CFAP251: variants seen among roughly 807,000 people sequenced by gnomAD.
CFAP251 encodes cilia- and flagella-associated protein 251.
CFAP251 carries 93 observed loss-of-function variants against 126.7 expected under a neutral mutation model. The observed-to-expected ratio is 0.73, with a 90% confidence interval of 0.62 to 0.87. The LOEUF is 0.87. Among genes scored for constraint, CFAP251 ranks in the 40% least tolerant of loss-of-function variants. The pLI, the probability that CFAP251 is intolerant of heterozygous loss-of-function variation, is 0.00. For synonymous variants in CFAP251, 503 were observed against 506.9 expected (o/e 0.99, Z 0.10); for missense variants, 1,287 against 1,389.2 (o/e 0.93, Z 1.17).
At chr12:122,001,181 C>G (rs1353941896) in intron 20 of CFAP251, among the ~76,000 whole-genome samples, 1 of 151,448 alleles carries the variant, frequency 6.6e-6, no homozygotes, top group Admixed American at 6.6e-5. Flanking sequence ...CTCAGCCTCC[C>G]GAGTAGCTGG....
chr12:121,977,756 C>T (rs1176493375), intron 19 of CFAP251, among the ~76,000 whole-genome samples: 1 of 150,974 alleles, frequency 6.6e-6, no homozygotes, highest in Non-Finnish European at 1.5e-5. Flanking sequence ...AAGATCGAGA[C>T]CATCCTGGCT....
At chr12:121,981,287 T>C (rs1428107829) in intron 19 of CFAP251, among the ~76,000 whole-genome samples, 2 of 148,470 alleles carry the variant, frequency 1.3e-5, no homozygotes, top group African/African-American at 4.9e-5. Flanking sequence ...ACCTAGGCAA[T>C]ATAGGGAGAC....
intron 5 of CFAP251, among the ~76,000 whole-genome samples, chr12:121,938,740 T>C (rs1344122573): frequency 1.3e-5 from 2 of 149,474 alleles, no homozygotes; most frequent in Non-Finnish European, 3.0e-5. Context: ...CCCAGCACTT[T>C]GGGAGGCCGA....
chr12:121,944,409 T>C (rs1457995444), intron 7 of CFAP251, among the ~76,000 whole-genome samples: 1 of 152,192 alleles, frequency 6.6e-6, no homozygotes, highest in Non-Finnish European at 1.5e-5. Context: ...GATTTTTCTA[T>C]TGCTGCAAAA....
At chr12:121,942,669 C>A in intron 6 of CFAP251, 24 bp downstream of exon 6, 1 of 1,590,778 alleles carries the variant, frequency 6.3e-7, no homozygotes, top group South Asian at 1.1e-5. Context: ...CCCTTTGGGT[C>A]AGCATCAGCG....
chr12:121,967,444 T>C (rs981554897), intron 16 of CFAP251, among the ~76,000 whole-genome samples: 1 of 152,252 alleles, frequency 6.6e-6, no homozygotes, highest in Non-Finnish European at 1.5e-5. Flanking sequence ...GGCTCACGCC[T>C]GTAATCCCAG....
chr12:121,969,944 A>G, intron 17 of CFAP251: 1 of 985,484 alleles, frequency 1.0e-6, no homozygotes, highest in Non-Finnish European at 1.2e-6. Flanking sequence ...ACAAAGGATC[A>G]TTATAAACTA....
chr12:121,922,514 C>T (rs1880227840), intron 2 of CFAP251, among the ~76,000 whole-genome samples: 1 of 152,090 alleles, frequency 6.6e-6, no homozygotes. Flanking sequence ...GGAGGATGGC[C>T]AGGGAAAGCT....
chr12:121,948,968 A>C lies in CFAP251; in HGVS notation c.1192-16A>C. The C allele has an allele frequency of 6.9e-7, 1 of 1,452,616 alleles. No individual in the cohort carries two copies. The highest frequency in any genetic ancestry group is 9.4e-7 in the Non-Finnish European group (1 of 1,060,788). The allele number at this position is 1,452,616 out of a possible 1,614,324, so 90.0% of individuals were successfully genotyped here. ...GAAAATTTATCATTAATGTATTTTC[A>C]TACTTTATATTTCAGAACTACGTTA... On this transcript the variant is annotated splice_polypyrimidine_tract_variant and intron_variant, in intron 7 of 21. Transcript: ENST00000288912.
intron 15 of CFAP251, among the ~76,000 whole-genome samples, chr12:121,965,621 A>C (rs562965970): frequency 6.6e-6 from 1 of 152,204 alleles, no homozygotes; most frequent in Non-Finnish European, 1.5e-5. Context: ...CTCTCTGTGT[A>C]ATGACGTGGA....
At chr12:121,922,412 T>C (rs896680792) in intron 2 of CFAP251, among the ~76,000 whole-genome samples, 2 of 152,216 alleles carry the variant, frequency 1.3e-5, no homozygotes, top group Middle Eastern at 3.4e-3. Flanking sequence ...TCCATTCTTT[T>C]AAGGAGCTCT....
chr12:121,939,409 CA>C (rs1881017447), intron 5 of CFAP251, among the ~76,000 whole-genome samples: 1 of 152,148 alleles, frequency 6.6e-6, no homozygotes, highest in Admixed American at 6.5e-5. Flanking sequence ...GGTATTATCT[CA>C]TGCAGTAGAA....
At chr12:121,924,129 T>G in intron 3 of CFAP251, 139 bp downstream of exon 3, 1 of 1,150,324 alleles carries the variant, frequency 8.7e-7, no homozygotes, top group Non-Finnish European at 1.2e-6. Flanking sequence ...TTTTTTTTTT[T>G]AAGACAGTCT....
At chr12:121,982,732 C>A (rs1043394354) in intron 19 of CFAP251, among the ~76,000 whole-genome samples, 1 of 152,066 alleles carries the variant, frequency 6.6e-6, no homozygotes, top group Non-Finnish European at 1.5e-5. Flanking sequence ...AGGTGTTTAG[C>A]CCTGGCAACC....
intron 19 of CFAP251, chr12:121,992,141 C>G (rs924413090): frequency 5.4e-6 from 5 of 932,638 alleles, no homozygotes; most frequent in Non-Finnish European, 6.4e-6. Flanking sequence ...GCGTCTGGGC[C>G]GCTCAGCTAG....
At chr12:121,960,866 A>G in intron 14 of CFAP251, 108 bp downstream of exon 14, 1 of 1,327,932 alleles carries the variant, frequency 7.5e-7, no homozygotes, top group Non-Finnish European at 1.0e-6. Context: ...TGTTTGTTGG[A>G]GAAAATGAAT....
chr12:121,998,918 A>AAGG (rs1555221247), intron 19 of CFAP251: 1 of 141,476 alleles, frequency 7.1e-6, no homozygotes, highest in African/African-American at 2.7e-5. Context: ...AAAAAAAAAA[A>AAGG]GGGGGAAGTG....
chr12:121,952,557 A>C (rs1881571433), intron 9 of CFAP251: 1 of 152,192 alleles, frequency 6.6e-6, no homozygotes, highest in African/African-American at 2.4e-5. Flanking sequence ...AGGGAGGTGA[A>C]CCAGATGTTG....
intron 21 of CFAP251, among the ~76,000 whole-genome samples, chr12:122,002,541 A>G (rs923004736): frequency 5.3e-5 from 8 of 151,740 alleles, no homozygotes; most frequent in Admixed American, 3.9e-4. Flanking sequence ...GCCTGTCTCA[A>G]TTAAAAAAGA....
Sources: allele counts gnomAD v4.1 joint callset (sites outside exome capture counted in the v4.1 genomes callset), GRCh38; gene constraint gnomAD v4.1.1; transcripts MANE v1.5; gene names NCBI Gene and HGNC (gene_info 2026-07-23, HGNC 2026-07-21).